Variants in GPR176 observed in about 807,000 individuals in gnomAD.
GPR176 encodes G protein-coupled receptor 176, also known as G-protein coupled receptor 176.
A neutral mutation model predicts 35.4 loss-of-function variants in GPR176; 26 were observed. That is an observed-to-expected ratio of 0.74 (90% CI 0.54 to 1.02). The LOEUF is 1.02. GPR176 is among the 50% of genes least tolerant of loss of function. The pLI is 0.00. For synonymous variants in GPR176, 278 were observed against 271.3 expected (o/e 1.02, Z -0.24); for missense variants, 597 against 665.3 (o/e 0.90, Z 1.13).
intron 1 of GPR176, among the ~76,000 whole-genome samples, chr15:39,903,247 A>T (rs1595520410): frequency 6.8e-6 from 1 of 147,858 alleles, no homozygotes; most frequent in Non-Finnish European, 1.5e-5. Context: ...GAGCATCTGT[A>T]CTTTATTCGA....
intron 1 of GPR176, chr15:39,807,656 T>C: frequency 1.3e-6 from 1 of 741,670 alleles, no homozygotes; most frequent in South Asian, 1.5e-5. Context: ...AAACCGCACA[T>C]GTCATCTTAA....
rs1201625411 is a variant in GPR176 at position 39,800,226 on chromosome 15, C to T, written c.*906G>A. On this transcript the variant is annotated 3_prime_UTR_variant, in exon 3 of 3. Transcript: ENST00000561100. Reference sequence around the variant, plus strand: ...AAGATGATTTTTTCAATATATTTGACTCATACTGGTTGTTACATAGCACCT... The same window carrying T: ...AAGATGATTTTTTCAATATATTTGATTCATACTGGTTGTTACATAGCACCT... 1.3e-5 allele frequency: 2 copies of T among 152,122 alleles called. No homozygotes were observed. Among genetic ancestry groups the T allele is most frequent in the African/African-American group, 4.8e-5 (2 of 41,416 alleles). 9.4% of individuals were successfully genotyped at this position (152,122 alleles called of 1,614,324 possible). A position where few individuals can be genotyped will look rare whatever the true frequency, so the allele number is the denominator to read the frequency against.
At chr15:39,816,079 G>T (rs1443277795) in intron 1 of GPR176, among the ~76,000 whole-genome samples, 7 of 152,188 alleles carry the variant, frequency 4.6e-5, no homozygotes, top group African/African-American at 1.7e-4. Context: ...CACATTTACA[G>T]GTGGAATCTA....
intron 1 of GPR176, among the ~76,000 whole-genome samples, chr15:39,895,317 TCTCTAACTCAC>T (rs2033080981): frequency 7.4e-6 from 1 of 135,008 alleles, no homozygotes; most frequent in Non-Finnish European, 1.6e-5. Flanking sequence ...GGGAGGGCGA[TCTCTAACTCAC>T]TTGCTTCTCC....
chr15:39,894,617 C>G (rs533720925), intron 1 of GPR176: 3 of 171,662 alleles, frequency 1.7e-5, no homozygotes, highest in African/African-American at 7.5e-5. Flanking sequence ...ACATCTCAGA[C>G]GATGGGCGGC....
intron 1 of GPR176, among the ~76,000 whole-genome samples, chr15:39,886,777 A>G (rs2032690393): frequency 1.3e-5 from 2 of 152,242 alleles, no homozygotes; most frequent in Admixed American, 1.3e-4. Context: ...TTCAACTGTA[A>G]TGACAGACCT....
chr15:39,899,671 G>C (rs1017050138), intron 1 of GPR176, among the ~76,000 whole-genome samples: 2 of 152,194 alleles, frequency 1.3e-5, no homozygotes, highest in African/African-American at 4.8e-5. Context: ...GGATACACTA[G>C]AATAAATCAT....
chr15:39,878,096 C>CTGTGTGTGTGTGTGTGTGTG lies in GPR176; in HGVS notation c.172+41739_172+41758dup, dbSNP rs58251937. Among the ~76,000 whole-genome samples, 629 of 130,032 alleles carry CTGTGTGTGTGTGTGTGTGTG rather than the reference C, an allele frequency of 4.8e-3. 11 individuals are homozygous for CTGTGTGTGTGTGTGTGTGTG. The highest frequency in any genetic ancestry group is 6.0e-3 in the Non-Finnish European group (364 of 60,466). The allele number at this position is 130,032 out of a possible 152,430, so 85.3% of individuals were successfully genotyped here. A position where few individuals can be genotyped will look rare whatever the true frequency, so the allele number is the denominator to read the frequency against. On this transcript the variant is annotated intron_variant, in intron 1 of 2. Coordinates refer to ENST00000561100, the MANE Select transcript of GPR176 (RefSeq NM_007223.3). ...CATATCCATCACCTCCCATAGTTAC[C>CTGTGTGTGTGTGTGTGTGTG]TGTGTGTGTGTGTGTGTGTGTGTGT...
At chr15:39,804,869 T>A (rs1899095574) in intron 2 of GPR176, among the ~76,000 whole-genome samples, 1 of 152,126 alleles carries the variant, frequency 6.6e-6, no homozygotes, top group Non-Finnish European at 1.5e-5. Flanking sequence ...TCCACCTACA[T>A]GTAATGTCCA....
At chr15:39,843,261 G>T (rs1418129605) in intron 1 of GPR176, among the ~76,000 whole-genome samples, 2 of 152,084 alleles carry the variant, frequency 1.3e-5, no homozygotes, top group Non-Finnish European at 2.9e-5. Context: ...GTGGGGAGAA[G>T]AATGTGAAGA....
At chr15:39,857,809 A>C (rs2031326570) in intron 1 of GPR176, among the ~76,000 whole-genome samples, 3 of 135,582 alleles carry the variant, frequency 2.2e-5, no homozygotes, top group African/African-American at 7.6e-5. Context: ...TCTACTAAAA[A>C]TACAAAAAAA....
chr15:39,805,673 G>A (rs1899145097), intron 2 of GPR176, among the ~76,000 whole-genome samples: 2 of 152,082 alleles, frequency 1.3e-5, no homozygotes, highest in Admixed American at 6.5e-5. Context: ...CCCTTCTAAG[G>A]AGCTGGAGCT....
At chr15:39,848,180 T>C (rs1440759033) in intron 1 of GPR176, among the ~76,000 whole-genome samples, 1 of 151,858 alleles carries the variant, frequency 6.6e-6, no homozygotes, top group East Asian at 1.9e-4. Context: ...GGACACAGAG[T>C]CAAACCATAT....
At chr15:39,916,122 C>T (rs2140882262) in intron 1 of GPR176, among the ~76,000 whole-genome samples, 1 of 152,246 alleles carries the variant, frequency 6.6e-6, no homozygotes, top group East Asian at 1.9e-4. Context: ...TCTCTTGGTA[C>T]TTAGACTGTG....
chr15:39,909,920 C>G, intron 1 of GPR176: 2 of 972,574 alleles, frequency 2.1e-6, no homozygotes, highest in Non-Finnish European at 2.4e-6. Context: ...GCCCGAACTC[C>G]CTTGCAATCC....
chr15:39,828,637 G>A (rs1900845973), intron 1 of GPR176, among the ~76,000 whole-genome samples: 1 of 152,170 alleles, frequency 6.6e-6, no homozygotes, highest in Non-Finnish European at 1.5e-5. Flanking sequence ...TCAGGGAGCA[G>A]GACAAGTAAT....
At chr15:39,827,652 T>C (rs534253064) in intron 1 of GPR176, among the ~76,000 whole-genome samples, 1 of 152,290 alleles carries the variant, frequency 6.6e-6, no homozygotes, top group African/African-American at 2.4e-5. Context: ...AGTGGACAGG[T>C]AGATTGCTAC....
rs939989143 is a variant in GPR176 at position 39,801,913 on chromosome 15, T to C, written c.767A>G (p.Tyr256Cys). 3.1e-6 allele frequency: 5 copies of C among 1,613,484 alleles called. No individual in the cohort carries two copies. The African/African-American group carries it at 5.3e-5, about 17-fold the overall frequency. ...RTPQNTISIP[Y>C]ASQREAELHA... is the part of the protein sequence containing the mutation. ...CAGCTCGGCCTCCCGCTGGGAGGCA[T>C]AGGGAATAGAGATGGTGTTCTGTGG... is the stretch of plus-strand genomic sequence containing the variant. Residue 256 changes from tyrosine (Y) to cysteine (C), a missense_variant, in exon 3 of 3, where the codon TAT becomes TGT. Coordinates refer to ENST00000561100, the MANE Select transcript of GPR176 (RefSeq NM_007223.3).
chr15:39,876,682 A>T (rs2032259482), intron 1 of GPR176, among the ~76,000 whole-genome samples: 1 of 145,920 alleles, frequency 6.9e-6, no homozygotes. Flanking sequence ...CCCTCTCTAT[A>T]AAAAAAAAAT....
Sources: gnomAD v4.1 joint callset for allele counts (sites outside exome capture counted in the v4.1 genomes callset) on GRCh38, gnomAD v4.1.1 for gene constraint, MANE v1.5 for transcripts, NCBI Gene and HGNC (gene_info 2026-07-23, HGNC 2026-07-21) for gene names.